Variants in LAPTM4A observed in about 807,000 individuals in gnomAD.
LAPTM4A encodes lysosomal protein transmembrane 4 alpha.
LAPTM4A carries 19 observed loss-of-function variants against 29.9 expected under a neutral mutation model. The observed-to-expected ratio is 0.64, with a 90% CI of 0.44 to 0.93. LAPTM4A has a LOEUF of 0.93. Ranked by LOEUF, LAPTM4A falls within the 40% of genes least tolerant of loss-of-function variation. The pLI is 0.00. For synonymous variants in LAPTM4A, 105 were observed against 102.1 expected (o/e 1.03, Z -0.17); for missense variants, 293 against 288.5 (o/e 1.02, Z -0.11).
At chr2:20,047,364 G>A (rs1673949314) in intron 1 of LAPTM4A, among the ~76,000 whole-genome samples, 1 of 142,668 alleles carries the variant, frequency 7.0e-6, no homozygotes, top group African/African-American at 2.6e-5. Context: ...CTCCAGCCTG[G>A]TGACAGAGCA....
intron 4 of LAPTM4A, among the ~76,000 whole-genome samples, chr2:20,035,504 T>C (rs1233079484): frequency 6.6e-6 from 1 of 152,214 alleles, no homozygotes; most frequent in Non-Finnish European, 1.5e-5. Context: ...GTCAATCGTT[T>C]GTCTCAACTC....
At chr2:20,037,505 A>C in intron 3 of LAPTM4A, 33 bp downstream of exon 3, 1 of 1,602,028 alleles carries the variant, frequency 6.2e-7, no homozygotes. Context: ...CCCTAAGGTC[A>C]AACTCTAAAA....
intron 2 of LAPTM4A, among the ~76,000 whole-genome samples, chr2:20,040,446 C>CT (rs1326084334): frequency 2.0e-5 from 3 of 152,164 alleles, no homozygotes; most frequent in African/African-American, 4.8e-5. Flanking sequence ...ACCATTTTAA[C>CT]TTTCTGAAAT....
At chr2:20,037,097 T>A (rs975902111) in intron 4 of LAPTM4A, among the ~76,000 whole-genome samples, 5 of 152,216 alleles carry the variant, frequency 3.3e-5, no homozygotes, top group African/African-American at 1.2e-4. Context: ...TTCTAGGAAC[T>A]CTTAATACTG....
chr2:20,033,939 G>C (rs886563356), intron 6 of LAPTM4A, among the ~76,000 whole-genome samples: 2 of 152,144 alleles, frequency 1.3e-5, no homozygotes, highest in African/African-American at 4.8e-5. Context: ...AGACAGGTCA[G>C]CTCCCCCGTT....
chr2:20,048,437 T>A (rs1673983166), intron 1 of LAPTM4A, among the ~76,000 whole-genome samples: 1 of 152,232 alleles, frequency 6.6e-6, no homozygotes, highest in Non-Finnish European at 1.5e-5. Context: ...CCGGTGCATA[T>A]AATAACTGGT....
At chr2:20,036,635 A>G (rs998569720) in intron 4 of LAPTM4A, among the ~76,000 whole-genome samples, 1 of 152,216 alleles carries the variant, frequency 6.6e-6, no homozygotes, top group Non-Finnish European at 1.5e-5. Context: ...GTTCTGAAAG[A>G]CAGCACTTTG....
At chr2:20,048,776 T>G (rs1455096203) in intron 1 of LAPTM4A, among the ~76,000 whole-genome samples, 2 of 152,232 alleles carry the variant, frequency 1.3e-5, no homozygotes, top group African/African-American at 4.8e-5. Flanking sequence ...CATTTAATAC[T>G]CACTCATCCC....
intron 1 of LAPTM4A, among the ~76,000 whole-genome samples, chr2:20,048,717 G>C (rs1345992005): frequency 6.6e-6 from 1 of 152,194 alleles, no homozygotes; most frequent in Admixed American, 6.5e-5. Flanking sequence ...TGCCTCACCA[G>C]GAATCAAGCA....
In LAPTM4A at chr2:20,034,332, A is replaced by G. The variant is rs770697273; in HGVS notation, c.612T>C (p.Phe204=). Reference sequence around the variant, plus strand: ...AGTAGCTAACCTGAGGAGGTGCTTCAAAGGCAGGGTACACAGCAATCTCCG... The same window carrying G: ...AGTAGCTAACCTGAGGAGGTGCTTCGAAGGCAGGGTACACAGCAATCTCCG... ...NVPEIAVYPA[F]EAPPQYVLPT... is the part of the protein sequence containing the mutation. The change falls in exon 6 of 7, where the codon TTT becomes TTC. Residue 204 remains phenylalanine, a synonymous_variant. Transcript: ENST00000175091. 59 of 1,613,344 alleles carry G rather than the reference A, an allele frequency of 3.7e-5. No homozygotes were observed. Among genetic ancestry groups the G allele is most frequent in the Non-Finnish European group, 4.9e-5 (58 of 1,179,210 alleles).
chr2:20,035,982 C>T lies in LAPTM4A; in HGVS notation c.433-920G>A, dbSNP rs183344500. Among the ~76,000 whole-genome samples, 121 of 152,252 alleles carry T rather than the reference C, an allele frequency of 7.9e-4. 1 individual carries two copies. Among genetic ancestry groups the T allele is most frequent in the Admixed American group, 2.7e-3 (41 of 15,296 alleles). ...TTAAGAACACACTACTCCCCAAACC[C>T]CAGCCAGGTTGTCTCCTTGGGAAAA... On this transcript the variant is annotated intron_variant, in intron 4 of 6. Transcript: ENST00000175091.
intron 1 of LAPTM4A, among the ~76,000 whole-genome samples, chr2:20,048,404 C>T (rs1285751973): frequency 6.6e-6 from 1 of 152,224 alleles, no homozygotes; most frequent in Non-Finnish European, 1.5e-5. Context: ...ATACGAAAGG[C>T]TCACACTTCA....
rs112029172 is a variant in LAPTM4A, at chr2:20,037,485, T to C, written c.310-47A>G. On this transcript the variant is annotated intron_variant, in intron 3 of 6. Transcript: ENST00000175091. ...TAACATTGTATCACATATAGGAAAT[T>C]ACTAAGCTCCCCTAAGGTCAAACTC... 467 of 1,601,938 alleles carry C rather than the reference T, an allele frequency of 2.9e-4. 5 individuals carry two copies. In the African/African-American group the frequency reaches 5.0e-3, roughly 17 times the overall value.
At chr2:20,040,625 C>A (rs925051321) in intron 2 of LAPTM4A, among the ~76,000 whole-genome samples, 2 of 152,160 alleles carry the variant, frequency 1.3e-5, no homozygotes, top group African/African-American at 4.8e-5. Flanking sequence ...TCTTTAGATA[C>A]ACACCTATTT....
chr2:20,039,475 T>C (rs1214392644), intron 2 of LAPTM4A, among the ~76,000 whole-genome samples: 2 of 152,226 alleles, frequency 1.3e-5, no homozygotes, highest in Non-Finnish European at 2.9e-5. Context: ...TGCTATGGGC[T>C]GGGCACAGTG....
At position 20,037,318 on chromosome 2, in the gene LAPTM4A, G is replaced by C; in HGVS notation, c.430C>G (p.Leu144Val). The change falls in exon 4 of 7, where the codon CTA becomes GTA. Residue 144 changes from leucine (L) to valine (V), a missense_variant and splice_region_variant. Coordinates refer to ENST00000175091, the MANE Select transcript of LAPTM4A (RefSeq NM_014713.5). Reference protein sequence around the residue: ...LPRIKEYLDQLPDFPYKDDLL... With the variant: ...LPRIKEYLDQVPDFPYKDDLL... ...GTTTAATGAGCATACACACTTACTA[G>C]TTGATCCAGATATTCTTTGATTCTT... The C allele has an allele frequency of 6.2e-7, 1 of 1,608,328 alleles. No individual in the cohort carries two copies. The highest frequency in any genetic ancestry group is 1.1e-5 in the South Asian group (1 of 90,402).
chr2:20,050,050 A>G (rs1341958378), intron 1 of LAPTM4A, among the ~76,000 whole-genome samples: 1 of 152,240 alleles, frequency 6.6e-6, no homozygotes, highest in African/African-American at 2.4e-5. Flanking sequence ...TCTCTGAGGG[A>G]AAATGTGATA....
At position 20,051,471 on chromosome 2, in the gene LAPTM4A, G is replaced by C; in HGVS notation, c.50C>G (p.Thr17Ser). ...GACATGGCAACAGCCGCAGCACCGGGTGCTGTAGAACCGGTCACTGCGGTT... is the reference window on the plus strand; with the variant it reads ...GACATGGCAACAGCCGCAGCACCGGCTGCTGTAGAACCGGTCACTGCGGTT... Reference protein sequence around the residue: ...KRNRSDRFYSTRCCGCCHVRT... With the variant: ...KRNRSDRFYSSRCCGCCHVRT... Residue 17 changes from threonine to serine, a missense_variant, in exon 1 of 7, where the codon ACC becomes AGC. By Grantham distance (58) the Thr-to-Ser change is moderately conservative. Transcript: ENST00000175091. The C allele has an allele frequency of 6.2e-7, 1 of 1,613,502 alleles. No homozygotes were observed.
chr2:20,033,127 G>C lies in LAPTM4A; in HGVS notation c.*78C>G, dbSNP rs1673599417. ...ATATTTTATATCAAACAAGTTTGAA[G>C]AGCCCTGAATTGCAGCATTCTGTAA... On this transcript the variant is annotated 3_prime_UTR_variant, in exon 7 of 7. Coordinates refer to ENST00000175091, the MANE Select transcript of LAPTM4A (RefSeq NM_014713.5). The C allele has an allele frequency of 8.7e-7, 1 of 1,142,954 alleles. No homozygotes were observed. Among genetic ancestry groups the C allele is most frequent in the African/African-American group, 1.5e-5 (1 of 65,260 alleles). 70.8% of individuals were successfully genotyped at this position (1,142,954 alleles called of 1,614,324 possible).
Sources: gnomAD v4.1 joint callset for allele counts (sites outside exome capture counted in the v4.1 genomes callset) on GRCh38, gnomAD v4.1.1 for gene constraint, MANE v1.5 for transcripts, NCBI Gene and HGNC (gene_info 2026-07-23, HGNC 2026-07-21) for gene names.